The following AFG2A variants were observed in gnomAD, a reference collection of about 807,000 sequenced individuals.
AFG2A encodes the protein ATPase family gene 2 protein homolog A.
chr4:123,284,168 ATT>A, the AFG2A span, among the ~76,000 whole-genome samples: 1 of 152,054 alleles, frequency 6.6e-6, no homozygotes, highest in African/African-American at 2.4e-5. Flanking sequence ...TTCCCAAAAT[ATT>A]TTGTTTTAAG....
the AFG2A span, among the ~76,000 whole-genome samples, chr4:123,136,668 C>T: frequency 6.6e-6 from 1 of 150,902 alleles, no homozygotes; most frequent in Non-Finnish European, 1.5e-5. Flanking sequence ...AAGCAAAATT[C>T]CGTCTCAAAA....
At chr4:122,954,960 C>G in the AFG2A span, among the ~76,000 whole-genome samples, 2 of 152,072 alleles carry the variant, frequency 1.3e-5, no homozygotes, top group Non-Finnish European at 2.9e-5. Flanking sequence ...CGGGACCCCC[C>G]CTTGGATTTC....
chr4:123,066,488 A>G, the AFG2A span, among the ~76,000 whole-genome samples: 6 of 152,158 alleles, frequency 3.9e-5, no homozygotes, highest in Non-Finnish European at 8.8e-5. Context: ...TGGCCTAGAC[A>G]AGACTAGAAC....
the AFG2A span, among the ~76,000 whole-genome samples, chr4:123,127,384 A>G: frequency 6.6e-6 from 1 of 152,156 alleles, no homozygotes; most frequent in Non-Finnish European, 1.5e-5. Flanking sequence ...GGGCAGTCAA[A>G]CCATAGTTCA....
the AFG2A span, among the ~76,000 whole-genome samples, chr4:123,112,447 C>G: frequency 1.3e-5 from 2 of 152,178 alleles, no homozygotes; most frequent in Admixed American, 1.3e-4. Flanking sequence ...CTATCTCAAG[C>G]AGAAATGCTA....
the AFG2A span, among the ~76,000 whole-genome samples, chr4:123,248,079 A>C: frequency 6.6e-6 from 1 of 150,486 alleles, no homozygotes; most frequent in Non-Finnish European, 1.5e-5. Flanking sequence ...CACACAAAAA[A>C]AAAATTGTCT....
chr4:123,083,545 G>A, the AFG2A span, among the ~76,000 whole-genome samples: 1 of 150,160 alleles, frequency 6.7e-6, no homozygotes, highest in Non-Finnish European at 1.5e-5. Flanking sequence ...ACTTTATAAT[G>A]GTATATAATT....
chr4:123,304,292 G>A, the AFG2A span, among the ~76,000 whole-genome samples: 1 of 152,126 alleles, frequency 6.6e-6, no homozygotes, highest in Non-Finnish European at 1.5e-5. Context: ...CAATGGGCCT[G>A]GGTAAAGGGC....
chr4:123,207,888 A>G, the AFG2A span, among the ~76,000 whole-genome samples: 3 of 152,210 alleles, frequency 2.0e-5, no homozygotes, highest in Admixed American at 2.0e-4. Flanking sequence ...TGCAGTTCCT[A>G]TCCAAATTTC....
the AFG2A span, among the ~76,000 whole-genome samples, chr4:122,994,636 T>C: frequency 6.6e-6 from 1 of 151,788 alleles, no homozygotes; most frequent in Non-Finnish European, 1.5e-5. Context: ...TTTTCAGAAT[T>C]TGGACATTTG....
the AFG2A span, among the ~76,000 whole-genome samples, chr4:123,275,844 A>G: frequency 6.6e-6 from 1 of 152,202 alleles, no homozygotes; most frequent in African/African-American, 2.4e-5. Flanking sequence ...ATGGCTGCGT[A>G]GTATTCCATG....
chr4:123,183,123 T>G, the AFG2A span, among the ~76,000 whole-genome samples: 1 of 152,168 alleles, frequency 6.6e-6, no homozygotes, highest in Admixed American at 6.5e-5. Context: ...CAGCCAGGTT[T>G]GAGAACCAGT....
the AFG2A span, among the ~76,000 whole-genome samples, chr4:122,980,075 A>G: frequency 6.6e-6 from 1 of 152,192 alleles, no homozygotes; most frequent in South Asian, 2.1e-4. Flanking sequence ...CACAGATACT[A>G]AGTAATTCCA....
At chr4:122,971,491 T>C in the AFG2A span, among the ~76,000 whole-genome samples, 1 of 152,366 alleles carries the variant, frequency 6.6e-6, no homozygotes, top group East Asian at 1.9e-4. Context: ...TATAGTTTTC[T>C]ATGTATACAT....
At chr4:123,248,550 G>A in the AFG2A span, among the ~76,000 whole-genome samples, 1,207 of 152,264 alleles carry the variant, frequency 7.9e-3, 11 homozygotes, top group Non-Finnish European at 0.013. Context: ...ATACAGGAAT[G>A]TTCTGGGCCT....
the AFG2A span, chr4:123,256,010 T>G: frequency 1.2e-6 from 2 of 1,613,990 alleles, no homozygotes; most frequent in Non-Finnish European, 1.7e-6. Flanking sequence ...CTCATTTTCT[T>G]TATAGGCTTT....
the AFG2A span, among the ~76,000 whole-genome samples, chr4:123,297,907 C>T: frequency 6.6e-6 from 1 of 152,000 alleles, no homozygotes; most frequent in Non-Finnish European, 1.5e-5. Context: ...TGTATAAGCA[C>T]CACAAATTTA....
chr4:123,074,125 G>A, the AFG2A span, among the ~76,000 whole-genome samples: 23 of 90,942 alleles, frequency 2.5e-4, no homozygotes, highest in Non-Finnish European at 4.2e-4. Flanking sequence ...GCAGAGTCTC[G>A]CTCTGTTGCC....
At chr4:123,126,368 A>G in the AFG2A span, among the ~76,000 whole-genome samples, 1 of 152,082 alleles carries the variant, frequency 6.6e-6, no homozygotes, top group South Asian at 2.1e-4. Context: ...TCTCTAGCTT[A>G]CTTGTCTTCT....
Sources: allele counts gnomAD v4.1 joint callset (sites outside exome capture counted in the v4.1 genomes callset), GRCh38; gene constraint gnomAD v4.1.1; transcripts MANE v1.5; gene names NCBI Gene and HGNC (gene_info 2026-07-23, HGNC 2026-07-21).